ZFPM2: variants seen among roughly 807,000 people sequenced by gnomAD.
ZFPM2 encodes zinc finger protein, FOG family member 2, also known as zinc finger protein ZFPM2.
ZFPM2 carries 20 observed loss-of-function variants against 98.6 expected under a neutral mutation model. The ratio of observed to expected loss-of-function variants is 0.20; its 90% CI spans 0.14 to 0.29. The LOEUF is 0.29. Among genes scored for constraint, ZFPM2 ranks in the 10% least tolerant of loss-of-function variants. ZFPM2 has a pLI of 1.00. For missense variants in ZFPM2, 1,310 were observed against 1,388.6 expected, an observed-to-expected ratio of 0.94 and a Z score of 0.90; for synonymous variants, 518 against 502.7, an observed-to-expected ratio of 1.03 and a Z score of -0.41.
At chr8:105,534,860 G>A (rs764902814) in intron 3 of ZFPM2, among the ~76,000 whole-genome samples, 1 of 152,066 alleles carries the variant, frequency 6.6e-6, no homozygotes. Flanking sequence ...TGATTGCTTT[G>A]GCTGTGGTGC....
chr8:105,393,393 C>CTTTCTTTCTTTCTTTCT (rs1586340332), intron 1 of ZFPM2, among the ~76,000 whole-genome samples: 2 of 29,998 alleles, frequency 6.7e-5, no homozygotes. Context: ...TTTCTTTCTT[C>CTTTCTTTCTTTCTTTCT]TTCAGAATTT....
At chr8:105,488,861 T>G (rs1175833910) in intron 3 of ZFPM2, among the ~76,000 whole-genome samples, 3 of 152,178 alleles carry the variant, frequency 2.0e-5, no homozygotes, top group Non-Finnish European at 4.4e-5. Flanking sequence ...GATCTCTAAT[T>G]GTCTTCCAAT....
At chr8:105,642,669 C>T (rs1003831973) in intron 5 of ZFPM2, among the ~76,000 whole-genome samples, 1 of 152,054 alleles carries the variant, frequency 6.6e-6, no homozygotes, top group African/African-American at 2.4e-5. Flanking sequence ...CATGCTCTGC[C>T]CACGATATGG....
At chr8:105,625,970 G>GA (rs200898545) in intron 4 of ZFPM2, among the ~76,000 whole-genome samples, 27 of 141,118 alleles carry the variant, frequency 1.9e-4, no homozygotes, top group South Asian at 1.3e-3. Flanking sequence ...TCTATTTTCT[G>GA]GAAAAAAAAA....
intron 3 of ZFPM2, among the ~76,000 whole-genome samples, chr8:105,474,921 C>T (rs1458157909): frequency 1.3e-5 from 2 of 152,182 alleles, no homozygotes; most frequent in Non-Finnish European, 2.9e-5. Flanking sequence ...AACCCACTTT[C>T]TGAGCCTTAG....
intron 3 of ZFPM2, among the ~76,000 whole-genome samples, chr8:105,475,380 T>A (rs1398853626): frequency 2.0e-5 from 3 of 152,316 alleles, no homozygotes; most frequent in African/African-American, 7.2e-5. Context: ...CGGTGCTCCC[T>A]CTTGGTACCC....
chr8:105,560,431 A>T (rs1323107355), intron 3 of ZFPM2, among the ~76,000 whole-genome samples: 1 of 152,106 alleles, frequency 6.6e-6, no homozygotes, highest in East Asian at 1.9e-4. Context: ...TTTTTAAAAT[A>T]TAAACATTTT....
chr8:105,377,925 A>G (rs907257966), intron 1 of ZFPM2, among the ~76,000 whole-genome samples: 1 of 152,190 alleles, frequency 6.6e-6, no homozygotes, highest in African/African-American at 2.4e-5. Flanking sequence ...CTTGAAGAGT[A>G]TTCTGTTTCC....
chr8:105,436,806 T>C (rs999686469), intron 2 of ZFPM2, among the ~76,000 whole-genome samples: 11 of 152,186 alleles, frequency 7.2e-5, no homozygotes, highest in African/African-American at 2.7e-4. Context: ...TCTGTTGATG[T>C]GATGTTTATA....
intron 4 of ZFPM2, among the ~76,000 whole-genome samples, chr8:105,567,985 A>G (rs1156284810): frequency 6.6e-6 from 1 of 152,016 alleles, no homozygotes; most frequent in Non-Finnish European, 1.5e-5. Context: ...GCTCAGGACT[A>G]CCATACTTTC....
intron 6 of ZFPM2, among the ~76,000 whole-genome samples, chr8:105,795,067 A>T (rs1464987029): frequency 2.0e-5 from 3 of 152,150 alleles, no homozygotes; most frequent in Non-Finnish European, 4.4e-5. Context: ...GCTTCAGCTC[A>T]TGCACGGTGC....
intron 1 of ZFPM2, among the ~76,000 whole-genome samples, chr8:105,417,757 C>A (rs1312329806): frequency 2.0e-5 from 3 of 152,106 alleles, no homozygotes; most frequent in African/African-American, 7.2e-5. Flanking sequence ...GGTGCAAAAA[C>A]AAAATCCATG....
chr8:105,357,286 A>G (rs1424528109), intron 1 of ZFPM2, among the ~76,000 whole-genome samples: 1 of 152,124 alleles, frequency 6.6e-6, no homozygotes, highest in African/African-American at 2.4e-5. Flanking sequence ...TTTCCTTTTT[A>G]TACTTGTTTC....
intron 5 of ZFPM2, among the ~76,000 whole-genome samples, chr8:105,741,121 T>C (rs1812205089): frequency 6.6e-6 from 1 of 151,856 alleles, no homozygotes; most frequent in Admixed American, 6.6e-5. Context: ...GAGCAGTCAG[T>C]GAAGGTAGAA....
chr8:105,798,490 A>G lies in ZFPM2; in HGVS notation c.740-234A>G, dbSNP rs150487483. The G allele has an allele frequency of 6.1e-4, 277 of 454,288 alleles. 3 individuals are homozygous for G. Among genetic ancestry groups the G allele is most frequent in the African/African-American group, 4.7e-3 (244 of 51,390 alleles). 28.1% of individuals were successfully genotyped at this position (454,288 alleles called of 1,614,324 possible). A position where few individuals can be genotyped will look rare whatever the true frequency, so the allele number is the denominator to read the frequency against. On this transcript the variant is annotated intron_variant, in intron 6 of 7. Transcript: ENST00000407775. ...ATAAAATCAATATCTTGTGTTTTAAATGTTGGAGTCTCCTCTTTCTCTAGA... is the reference window on the plus strand; with the variant it reads ...ATAAAATCAATATCTTGTGTTTTAAGTGTTGGAGTCTCCTCTTTCTCTAGA...
At chr8:105,443,504 C>A (rs1442197268) in intron 2 of ZFPM2, among the ~76,000 whole-genome samples, 1 of 151,928 alleles carries the variant, frequency 6.6e-6, no homozygotes, top group African/African-American at 2.4e-5. Context: ...TTCTTAAAAG[C>A]AGCACATACT....
chr8:105,500,088 A>G (rs1443756293), intron 3 of ZFPM2, among the ~76,000 whole-genome samples: 1 of 152,226 alleles, frequency 6.6e-6, no homozygotes, highest in African/African-American at 2.4e-5. Flanking sequence ...ATTCCAAATT[A>G]TAATTTTCAT....
At chr8:105,587,133 CG>C in intron 4 of ZFPM2, among the ~76,000 whole-genome samples, 1 of 151,410 alleles carries the variant, frequency 6.6e-6, no homozygotes, top group South Asian at 2.1e-4. Context: ...AAAAATTAAC[CG>C]GGCGTGGTGG....
chr8:105,747,721 C>A (rs905493968), intron 5 of ZFPM2, among the ~76,000 whole-genome samples: 20 of 151,996 alleles, frequency 1.3e-4, no homozygotes, highest in African/African-American at 4.3e-4. Flanking sequence ...ACTTAAAATG[C>A]AAAGCATGTA....
Sources: gnomAD v4.1 joint callset for allele counts (sites outside exome capture counted in the v4.1 genomes callset) on GRCh38, gnomAD v4.1.1 for gene constraint, MANE v1.5 for transcripts, NCBI Gene and HGNC (gene_info 2026-07-23, HGNC 2026-07-21) for gene names.